HOMER2: variants seen among roughly 807,000 people sequenced by gnomAD.
HOMER2 encodes the protein homer protein homolog 2.
HOMER2 carries 27 observed loss-of-function variants against 47.0 expected under a neutral mutation model. That is an observed-to-expected ratio of 0.57 (90% CI 0.42 to 0.79). The LOEUF (loss-of-function observed/expected upper bound fraction) is 0.79, where lower values mean the gene tolerates loss of function less well. HOMER2 is among the 30% of genes least tolerant of loss of function. The pLI is 0.00. For missense variants in HOMER2, 443 were observed against 435.0 expected (o/e 1.02, Z -0.16); for synonymous variants, 161 against 163.8 (o/e 0.98, Z 0.13).
chr15:82,858,078 C>G (rs1187442346), intron 5 of HOMER2, among the ~76,000 whole-genome samples: 1 of 152,134 alleles, frequency 6.6e-6, no homozygotes, highest in Non-Finnish European at 1.5e-5. Flanking sequence ...TTTTATAAAC[C>G]TTGAAATCAT....
chr15:82,848,817 C>T (rs1347587113), downstream of HOMER2, among the ~76,000 whole-genome samples: 1 of 152,196 alleles, frequency 6.6e-6, no homozygotes. Context: ...CTGCTGCTTC[C>T]CCTTCTCCCT....
In HOMER2 at chr15:82,852,184, C is replaced by T. The variant is rs2051417281; in HGVS notation, c.720G>A (p.Arg240=). 5 of 1,613,984 alleles carry T rather than the reference C, an allele frequency of 3.1e-6. No homozygotes were observed. Among genetic ancestry groups the T allele is most frequent in the Non-Finnish European group, 4.2e-6 (5 of 1,179,882 alleles). ...GCTCTGCCTCCAGCTCCTCGATCCTCCTCTTCAGCTGCGTGTTCTTCTCCT... is the reference window on the plus strand; with the variant it reads ...GCTCTGCCTCCAGCTCCTCGATCCTTCTCTTCAGCTGCGTGTTCTTCTCCT... ...REKEKNTQLK[R]RIEELEAELR... The change falls in exon 7 of 9, where the codon AGG becomes AGA. Residue 240 remains arginine (R), a synonymous_variant. Coordinates refer to ENST00000450735, the MANE Select transcript of HOMER2 (RefSeq NM_004839.4).
intron 1 of HOMER2, among the ~76,000 whole-genome samples, chr15:82,910,939 G>A (rs77216081): frequency 6.6e-6 from 1 of 151,516 alleles, no homozygotes; most frequent in Non-Finnish European, 1.5e-5. Context: ...TAAGGGAGGA[G>A]GGTTCAGGGC....
chr15:82,963,704 G>C (rs952785275), intron 1 of HOMER2, among the ~76,000 whole-genome samples: 1 of 152,202 alleles, frequency 6.6e-6, no homozygotes, highest in African/African-American at 2.4e-5. Flanking sequence ...CATTAGCAAA[G>C]AGGGGCTGAC....
At chr15:82,864,724 T>C (rs1478827641) in intron 3 of HOMER2, among the ~76,000 whole-genome samples, 2 of 152,232 alleles carry the variant, frequency 1.3e-5, no homozygotes, top group Non-Finnish European at 2.9e-5. Context: ...AACTGTTAAA[T>C]CTAGGTAATG....
At chr15:82,880,537 C>T (rs1346623518) in intron 2 of HOMER2, among the ~76,000 whole-genome samples, 1 of 152,048 alleles carries the variant, frequency 6.6e-6, no homozygotes, top group Non-Finnish European at 1.5e-5. Context: ...TTGAATGGTA[C>T]CTATTAATAC....
downstream of HOMER2, chr15:82,846,466 T>A (rs1201584382): frequency 6.6e-6 from 1 of 152,248 alleles, no homozygotes; most frequent in Non-Finnish European, 1.5e-5. Context: ...TGTAATATGC[T>A]CTTATCAGGA....
chr15:82,850,079 G>C (rs2051342351), intron 8 of HOMER2, among the ~76,000 whole-genome samples, 176 bp from the exon 9 acceptor site: 2 of 152,208 alleles, frequency 1.3e-5, no homozygotes, highest in Admixed American at 6.5e-5. Context: ...CATCAGAAGG[G>C]AAGCAGCAGG....
chr15:82,865,113 C>T (rs982022233), intron 3 of HOMER2, among the ~76,000 whole-genome samples: 3 of 152,206 alleles, frequency 2.0e-5, no homozygotes, highest in Admixed American at 6.5e-5. Context: ...TGTAGGTGAA[C>T]CCAGCACCCT....
At chr15:82,955,503 C>A (rs2054579608), upstream of HOMER2, among the ~76,000 whole-genome samples, 1 of 152,206 alleles carries the variant, frequency 6.6e-6, no homozygotes, top group South Asian at 2.1e-4. Flanking sequence ...ATTAGGCTCA[C>A]CATGTACATG....
At chr15:82,844,741 T>C (rs1474852723), downstream of HOMER2, 3 of 152,214 alleles carry the variant, frequency 2.0e-5, no homozygotes, top group East Asian at 1.9e-4. Flanking sequence ...AGTTCACTTA[T>C]CCACTCCACT....
exon 2 of HOMER2, chr15:82,838,376 T>G (rs1028921251): frequency 5.9e-5 from 9 of 152,278 alleles, no homozygotes; most frequent in Admixed American, 5.9e-4. Flanking sequence ...GGGGTAGAAC[T>G]GTGGCTCTCG....
At position 82,909,178 on chromosome 15, in the gene HOMER2, C is replaced by T. The variant is rs147891804; in HGVS notation, c.6-16337G>A. 4.5e-4 allele frequency among the ~76,000 whole-genome samples: 69 copies of T among 152,266 alleles called. No homozygotes were observed. In the East Asian group the frequency reaches 0.012, roughly 26 times the overall value. On this transcript the variant is annotated intron_variant, in intron 1 of 8. Transcript: ENST00000450735. ...CAGGTTGATTGATCATTCCAAAAAA[C>T]CATTTGGCTATGTTGGAAGTAAATG...
chr15:82,968,682 T>C (rs1231422911), intron 1 of HOMER2, among the ~76,000 whole-genome samples: 1 of 152,240 alleles, frequency 6.6e-6, no homozygotes, highest in Non-Finnish European at 1.5e-5. Context: ...TACAGGTGCA[T>C]AGTATTCCAT....
intron 1 of HOMER2, among the ~76,000 whole-genome samples, chr15:82,981,040 G>A (rs886147719): frequency 3.3e-5 from 5 of 152,190 alleles, no homozygotes; most frequent in Admixed American, 6.5e-5. Context: ...GAGCAAGTGT[G>A]GGGGTGGAAG....
In HOMER2 at chr15:82,945,696, C is replaced by A. The variant is rs569354665; in HGVS notation, c.5+6835G>T. On this transcript the variant is annotated intron_variant, in intron 1 of 8. Coordinates refer to ENST00000450735, the MANE Select transcript of HOMER2 (RefSeq NM_004839.4). Reference sequence around the variant, plus strand: ...AGAAAAAAAGTGGTAGATGGCCGGGCGCGGTGGCTGACGCCTGTAATCCCA... The same window carrying A: ...AGAAAAAAAGTGGTAGATGGCCGGGAGCGGTGGCTGACGCCTGTAATCCCA... 1.8e-4 allele frequency among the ~76,000 whole-genome samples: 28 copies of A among 151,812 alleles called. No homozygotes were observed. In the South Asian group the frequency reaches 5.8e-3, roughly 32 times the overall value.
intron 6 of HOMER2, among the ~76,000 whole-genome samples, chr15:82,854,046 C>A (rs2051485807): frequency 6.6e-6 from 1 of 152,178 alleles, no homozygotes; most frequent in Non-Finnish European, 1.5e-5. Context: ...CTGAGAGAGA[C>A]AGGGCTGACA....
chr15:82,924,950 C>A (rs763460552), intron 1 of HOMER2, among the ~76,000 whole-genome samples: 2 of 152,204 alleles, frequency 1.3e-5, no homozygotes, highest in Non-Finnish European at 2.9e-5. Flanking sequence ...ATTTCCCACA[C>A]CTTTGTTCTA....
chr15:82,840,448 T>C (rs992464107), exon 2 of HOMER2: 1 of 152,092 alleles, frequency 6.6e-6, no homozygotes, highest in Non-Finnish European at 1.5e-5. Flanking sequence ...AGAATCACTA[T>C]TTAGGAAAAT....
Sources: gnomAD v4.1 joint callset for allele counts (sites outside exome capture counted in the v4.1 genomes callset) on GRCh38, gnomAD v4.1.1 for gene constraint, MANE v1.5 for transcripts, NCBI Gene and HGNC (gene_info 2026-07-23, HGNC 2026-07-21) for gene names.